The following STRA6 variants were observed in gnomAD, a reference collection of about 807,000 sequenced individuals.
The protein encoded by STRA6 is receptor for retinol uptake STRA6.
In STRA6, 48 loss-of-function variants were observed where a neutral mutation model predicts 83.6. The observed-to-expected ratio is 0.57, with a 90% confidence interval of 0.46 to 0.73. The LOEUF is 0.73. STRA6 is among the 30% of genes least tolerant of loss of function. The probability of loss-of-function intolerance (pLI) is 0.00; values close to 1 mark genes in which losing one functional copy is unlikely to be tolerated. For missense variants in STRA6, 760 were observed against 838.8 expected, an observed-to-expected ratio of 0.91 and a Z score of 1.16; for synonymous variants, 353 against 362.3, an observed-to-expected ratio of 0.97 and a Z score of 0.29.
At chr15:74,197,232 T>C in intron 4 of STRA6, 106 bp downstream of exon 4, 1 of 811,960 alleles carries the variant, frequency 1.2e-6, no homozygotes, top group Non-Finnish European at 2.1e-6. Context: ...AGGGATGTCA[T>C]TAAAGCCAGA....
At chr15:74,202,556 C>A in intron 1 of STRA6, 157 bp downstream of exon 1, 1 of 1,472,686 alleles carries the variant, frequency 6.8e-7, no homozygotes, top group Non-Finnish European at 8.9e-7. Flanking sequence ...CCCCTTGGGG[C>A]CCCGGGGCTC....
intron 17 of STRA6, 98 bp downstream of exon 17, chr15:74,181,197 G>A: frequency 1.3e-6 from 2 of 1,544,028 alleles, no homozygotes; most frequent in Middle Eastern, 2.2e-4. Context: ...AGGCATCGGT[G>A]TGAACTGATC....
chr15:74,196,272 G>T (rs954033976), intron 4 of STRA6, 125 bp from the exon 5 acceptor site: 2 of 1,392,030 alleles, frequency 1.4e-6, no homozygotes, highest in Non-Finnish European at 2.0e-6. Flanking sequence ...GGGGAATAAG[G>T]CCCCTTCATT....
intron 12 of STRA6, 96 bp from the exon 13 acceptor site, chr15:74,185,151 T>G: frequency 3.3e-6 from 4 of 1,221,966 alleles, no homozygotes; most frequent in Non-Finnish European, 4.7e-6. Context: ...TGTGGGGAGT[T>G]CCCCCTGCCC....
At position 74,189,272 on chromosome 15, in the gene STRA6, G is replaced by C. The variant is rs746536173; in HGVS notation, c.933C>G (p.Ala311=). ...GTACCACGCCCACCAGCAGCAGCAG[G>C]GCCACCTGGAAGAGCCCCACAGTGA... is the stretch of plus-strand genomic sequence containing the variant. ...TLTGTAIYQV[A]LLLLVGVVPT... The change falls in exon 12 of 19, where the codon GCC becomes GCG. Residue 311 remains alanine, a synonymous_variant. Coordinates refer to ENST00000395105, the MANE Select transcript of STRA6 (RefSeq NM_022369.4). 1.3e-6 allele frequency: 2 copies of C among 1,595,084 alleles called. No homozygotes were observed. The highest frequency in any genetic ancestry group is 1.7e-6 in the Non-Finnish European group (2 of 1,170,858).
chr15:74,191,223 C>A lies in STRA6; in HGVS notation c.809G>T (p.Gly270Val). 1 of 1,613,910 alleles carries A rather than the reference C, an allele frequency of 6.2e-7. No homozygotes were observed. The highest frequency in any genetic ancestry group is 8.5e-7 in the Non-Finnish European group (1 of 1,179,978). The change falls in exon 10 of 19, where the codon GGC becomes GTC. Residue 270 changes from glycine (G) to valine (V), a missense_variant. Gly to Val is a moderately radical substitution (Grantham distance 109, BLOSUM62 -3). Coordinates refer to ENST00000395105, the MANE Select transcript of STRA6 (RefSeq NM_022369.4). Reference sequence around the variant, plus strand: ...GCAGACGCGGGCCCAGGACAGGAAGCCATGCTTGGAGGTGTGGTAGCTGCA... The same window carrying A: ...GCAGACGCGGGCCCAGGACAGGAAGACATGCTTGGAGGTGTGGTAGCTGCA... ...LGSSYHTSKH[G>V]FLSWARVCLR...
exon 1 of STRA6, chr15:74,208,867 G>A (rs759248163): frequency 1.6e-5 from 16 of 989,304 alleles, no homozygotes; most frequent in South Asian, 4.6e-5. Context: ...GATCTCTCCC[G>A]GAAACTTGTC....
At position 74,189,202 on chromosome 15, in the gene STRA6, A is replaced by G. The variant is rs1595838638; in HGVS notation, c.1003T>C (p.Tyr335His). The G allele has an allele frequency of 6.2e-7, 1 of 1,613,662 alleles. No homozygotes were observed. The highest frequency in any genetic ancestry group is 8.5e-7 in the Non-Finnish European group (1 of 1,179,858). ...VRAGVTTDVSYLLAGFGIVLS... is the reference protein window; with the variant it reads ...VRAGVTTDVSHLLAGFGIVLS... ...ACGATTCCAAAGCCGGCCAGCAGGT[A>G]GGAGACATCCGTGGTGACCCCTGCC... The change falls in exon 12 of 19, where the codon TAC (tyrosine) becomes CAC (histidine). Residue 335 changes from tyrosine (Y) to histidine (H), a missense_variant. Tyr to His is a moderately conservative substitution (Grantham distance 83). Coordinates refer to ENST00000395105, the MANE Select transcript of STRA6 (RefSeq NM_022369.4).
intron 17 of STRA6, 82 bp from the exon 18 acceptor site, chr15:74,181,019 G>A: frequency 6.4e-7 from 1 of 1,569,978 alleles, no homozygotes; most frequent in Non-Finnish European, 8.7e-7. Context: ...CACACACACA[G>A]GGAGTGCACG....
chr15:74,195,080 G>C (rs1394311293), intron 7 of STRA6: 10 of 1,457,428 alleles, frequency 6.9e-6, no homozygotes, highest in Non-Finnish European at 8.1e-6. Flanking sequence ...CCACCTCCTA[G>C]ACTTAAAGTT....
chr15:74,205,857 T>C (rs1337268447), upstream of STRA6, among the ~76,000 whole-genome samples: 1 of 152,178 alleles, frequency 6.6e-6, no homozygotes, highest in Non-Finnish European at 1.5e-5. Context: ...GTGAGCTTCG[T>C]CCTTTTCCCC....
rs2073764407 is a variant in STRA6, at chr15:74,195,426, T to C, written c.473A>G (p.Tyr158Cys). ...ILGLFYYAAL[Y>C]YPLAACATAG... ...CGTGGCACAGGCAGCCAGAGGGTAGTAGAGGGCAGCATAATAGAACAGTCC... is the reference window on the plus strand; with the variant it reads ...CGTGGCACAGGCAGCCAGAGGGTAGCAGAGGGCAGCATAATAGAACAGTCC... The change falls in exon 7 of 19, where the codon TAC becomes TGC. Residue 158 changes from tyrosine to cysteine, a missense_variant. Coordinates refer to ENST00000395105, the MANE Select transcript of STRA6 (RefSeq NM_022369.4). 1 of 1,613,454 alleles carries C rather than the reference T, an allele frequency of 6.2e-7. No homozygotes were observed. Among genetic ancestry groups the C allele is most frequent in the Non-Finnish European group, 8.5e-7 (1 of 1,179,956 alleles).
rs940712448 is a variant in STRA6, at chr15:74,207,959, C to G, written c.-16+841G>C. The G allele has an allele frequency of 7.6e-6, 11 of 1,439,056 alleles. No individual in the cohort carries two copies. The African/African-American group carries it at 1.6e-4, about 20-fold the overall frequency. 89.1% of individuals were successfully genotyped at this position (1,439,056 alleles called of 1,614,324 possible). A position where few individuals can be genotyped will look rare whatever the true frequency, so the allele number is the denominator to read the frequency against. On this transcript the variant is annotated intron_variant, in intron 1 of 18. Coordinates refer to the STRA6 transcript ENST00000323940. ...TCTCCACCTCCTGTCTCTCTACCTC[C>G]TACCTCCCCTGCCATGTGGGAGGGT...
intron 8 of STRA6, among the ~76,000 whole-genome samples, 162 bp downstream of exon 8, chr15:74,193,638 T>G (rs905797901): frequency 2.2e-4 from 33 of 152,186 alleles, no homozygotes; most frequent in African/African-American, 6.8e-4. Context: ...AGCTTTTGCC[T>G]AGGGAGGGAG....
intron 14 of STRA6, chr15:74,183,655 G>A (rs540573506): frequency 2.6e-5 from 39 of 1,480,774 alleles, no homozygotes; most frequent in Middle Eastern, 5.0e-4. Flanking sequence ...TCAATTTCCC[G>A]AGGGCTCCTG....
chr15:74,211,903 C>T (rs1279487760), upstream of STRA6, among the ~76,000 whole-genome samples: 1 of 152,028 alleles, frequency 6.6e-6, no homozygotes, highest in South Asian at 2.1e-4. Context: ...TGTGTTTTCT[C>T]TCTATCACTC....
intron 2 of STRA6, 85 bp from the exon 3 acceptor site, chr15:74,197,903 C>T (rs375056463): frequency 1.4e-6 from 2 of 1,431,672 alleles, no homozygotes; most frequent in South Asian, 1.2e-5. Flanking sequence ...ACTGTTCACA[C>T]TGAGGCTTTA....
At chr15:74,184,399 C>T (rs948075813) in intron 13 of STRA6, among the ~76,000 whole-genome samples, 9 of 152,192 alleles carry the variant, frequency 5.9e-5, no homozygotes, top group African/African-American at 1.7e-4. Context: ...CTGGCAAGTG[C>T]GCAGGAGACA....
rs1302620962 is a variant in STRA6 at position 74,188,234 on chromosome 15, A to AT, written c.1090+880dup. Among the ~76,000 whole-genome samples the AT allele has an allele frequency of 6.6e-6, 1 of 152,174 alleles. No individual in the cohort carries two copies. Among genetic ancestry groups the AT allele is most frequent in the Non-Finnish European group, 1.5e-5 (1 of 68,032 alleles). ...TGCCCAGGTCTGTAGGATAAGGATG[A>AT]TGTTAATGGTCAGGTACAGCTGCGG... On this transcript the variant is annotated intron_variant, in intron 12 of 18. Coordinates refer to ENST00000395105, the MANE Select transcript of STRA6 (RefSeq NM_022369.4). The surrounding 1 kb of genome is among the most constrained non-coding windows in gnomAD (Gnocchi z 4.5).
Sources: allele counts gnomAD v4.1 joint callset (sites outside exome capture counted in the v4.1 genomes callset), GRCh38; gene constraint gnomAD v4.1.1; non-coding constraint Gnocchi (gnomAD v3.1); transcripts MANE v1.5; gene names NCBI Gene and HGNC (gene_info 2026-07-23, HGNC 2026-07-21).